Variants in BRWD1 observed in about 807,000 individuals in gnomAD.
BRWD1 encodes bromodomain and WD repeat-containing protein 1.
Under a neutral mutation model 251.2 loss-of-function variants are expected in BRWD1, and 82 were observed. The ratio of observed to expected loss-of-function variants is 0.33; its 90% CI spans 0.27 to 0.39. BRWD1 has a LOEUF of 0.39. BRWD1 is among the 10% of genes least tolerant of loss of function. The pLI is 1.00. For missense variants in BRWD1, 2,233 were observed against 2,711.6 expected, an observed-to-expected ratio of 0.82 and a Z score of 3.92; for synonymous variants, 918 against 902.8, an observed-to-expected ratio of 1.02 and a Z score of -0.30.
chr21:39,190,779 G>A lies in BRWD1; in HGVS notation c.*5480C>T. Reference sequence around the variant, plus strand: ...TTTAAACAGTTCCGTTTTCTAGGGGGAGCTGGTAACACTGCAGTATGGCAG... The same window carrying A: ...TTTAAACAGTTCCGTTTTCTAGGGGAAGCTGGTAACACTGCAGTATGGCAG... On this transcript the variant is annotated 3_prime_UTR_variant, in exon 41 of 41. Coordinates refer to ENST00000342449, the MANE Select transcript of BRWD1 (RefSeq NM_033656.4). 1 of 985,278 alleles carries A rather than the reference G, an allele frequency of 1.0e-6. No individual in the cohort carries two copies. Among genetic ancestry groups the A allele is most frequent in the Non-Finnish European group, 1.2e-6 (1 of 829,904 alleles). 61.0% of individuals were successfully genotyped at this position (985,278 alleles called of 1,614,324 possible).
At chr21:39,290,542 T>C (rs1308215943) in intron 8 of BRWD1, among the ~76,000 whole-genome samples, 1 of 151,630 alleles carries the variant, frequency 6.6e-6, no homozygotes, top group Non-Finnish European at 1.5e-5. Flanking sequence ...TTCAGATATA[T>C]TCAGTAGGTG....
At chr21:39,200,713 C>T (rs1247202538) in intron 38 of BRWD1, among the ~76,000 whole-genome samples, 1 of 152,148 alleles carries the variant, frequency 6.6e-6, no homozygotes, top group East Asian at 1.9e-4. Flanking sequence ...AGGCCGGGCA[C>T]GGTGACTCAC....
chr21:39,270,154 A>G, intron 14 of BRWD1, 121 bp from the exon 15 acceptor site: 1 of 1,191,854 alleles, frequency 8.4e-7, no homozygotes, highest in Non-Finnish European at 1.1e-6. Flanking sequence ...TTATAATTAT[A>G]AAAATTTCTA....
chr21:39,286,297 C>A (rs570831291), intron 8 of BRWD1, among the ~76,000 whole-genome samples: 2 of 151,892 alleles, frequency 1.3e-5, no homozygotes, highest in East Asian at 1.9e-4. Flanking sequence ...GGATTACAGG[C>A]GTAAGCCACC....
intron 5 of BRWD1, chr21:39,298,220 ATATCTT>A (rs1281337941): frequency 2.2e-5 from 26 of 1,204,538 alleles, no homozygotes; most frequent in Non-Finnish European, 2.6e-5. Flanking sequence ...CTTAACATCT[ATATCTT>A]TATCAACTTT....
chr21:39,192,529 G>A lies in BRWD1; in HGVS notation c.*3730C>T. On this transcript the variant is annotated 3_prime_UTR_variant, in exon 41 of 41. Coordinates refer to ENST00000342449, the MANE Select transcript of BRWD1 (RefSeq NM_033656.4). The stretch of plus-strand genomic sequence containing the variant: ...CAGGTGAAAAGTTCTACAATGACTT[G>A]TTGCACTCTATCACATTAAAATAAT... 1.0e-6 allele frequency: 1 copy of A among 984,082 alleles called. No homozygotes were observed. The highest frequency in any genetic ancestry group is 1.2e-6 in the Non-Finnish European group (1 of 828,816). The allele number at this position is 984,082 out of a possible 1,614,324, so 61.0% of individuals were successfully genotyped here. A position where few individuals can be genotyped will look rare whatever the true frequency, so the allele number is the denominator to read the frequency against.
rs771594849 is a variant in BRWD1, at chr21:39,277,238, C to T, written c.1104+13G>A. On this transcript the variant is annotated intron_variant, in intron 11 of 40. Coordinates refer to ENST00000342449, the MANE Select transcript of BRWD1 (RefSeq NM_033656.4). ...ACAATTAATCTAAAGGATTTTAAAA[C>T]GTGGATGCTTACAGTGTGGCTTTCA... 6.3e-6 allele frequency: 10 copies of T among 1,574,966 alleles called. No individual in the cohort carries two copies. The highest frequency in any genetic ancestry group is 3.4e-5 in the South Asian group (3 of 88,140).
chr21:39,188,998 A>C lies in BRWD1; in HGVS notation c.*7261T>G, dbSNP rs1377439638. The stretch of plus-strand genomic sequence containing the variant: ...TGGGAAGAGAAGTGGCTTAAAGTGC[A>C]CTGTGTTTACCACTTCAAAGACACT... On this transcript the variant is annotated 3_prime_UTR_variant, in exon 41 of 41. Coordinates refer to ENST00000342449, the MANE Select transcript of BRWD1 (RefSeq NM_033656.4). 12 of 985,258 alleles carry C rather than the reference A, an allele frequency of 1.2e-5. No homozygotes were observed. The highest frequency in any genetic ancestry group is 5.2e-4 in the Middle Eastern group (1 of 1,936). 61.0% of individuals were successfully genotyped at this position (985,258 alleles called of 1,614,324 possible).
At position 39,228,592 on chromosome 21, in the gene BRWD1, A is replaced by G; in HGVS notation, c.3126-10T>C. The G allele has an allele frequency of 6.4e-7, 1 of 1,568,088 alleles. No individual in the cohort carries two copies. The highest frequency in any genetic ancestry group is 8.8e-7 in the Non-Finnish European group (1 of 1,139,188). ...TGGCATATCATGATATCTAGACAAA[A>G]ATTTAAAAAATTGTTAAACTCTCTA... On this transcript the variant is annotated splice_polypyrimidine_tract_variant and intron_variant, in intron 26 of 40. Transcript: ENST00000342449.
intron 32 of BRWD1, 90 bp from the exon 33 acceptor site, chr21:39,213,643 C>A: frequency 1.2e-6 from 1 of 814,052 alleles, no homozygotes; most frequent in Non-Finnish European, 2.0e-6. Flanking sequence ...AAACAGTTCA[C>A]CAACCTATAC....
chr21:39,247,298 T>C (rs534857576), intron 21 of BRWD1, among the ~76,000 whole-genome samples: 1 of 152,202 alleles, frequency 6.6e-6, no homozygotes, highest in Non-Finnish European at 1.5e-5. Context: ...ATACCCCTTA[T>C]CCAGAACGCT....
chr21:39,194,030 T>G lies in BRWD1; in HGVS notation c.*2229A>C. 1.0e-6 allele frequency: 1 copy of G among 985,566 alleles called. No individual in the cohort carries two copies. 61.1% of individuals were successfully genotyped at this position (985,566 alleles called of 1,614,324 possible). ...GCTTTTAAAGACATCAGGTCCATTC[T>G]TGCTGCTTCTGATGAAACCAAATCT... On this transcript the variant is annotated 3_prime_UTR_variant, in exon 41 of 41. Coordinates refer to ENST00000342449, the MANE Select transcript of BRWD1 (RefSeq NM_033656.4).
chr21:39,255,194 T>C (rs1051310862), intron 19 of BRWD1, among the ~76,000 whole-genome samples: 1 of 152,092 alleles, frequency 6.6e-6, no homozygotes, highest in African/African-American at 2.4e-5. Context: ...GTGGAGCGCC[T>C]GAGGTCAGGA....
intron 34 of BRWD1, 144 bp downstream of exon 34, chr21:39,212,522 T>C: frequency 3.1e-6 from 2 of 646,042 alleles, no homozygotes; most frequent in South Asian, 2.0e-5. Flanking sequence ...CCACTAAATC[T>C]TTCCAGTAAT....
At chr21:39,255,862 C>T (rs1180025331) in intron 18 of BRWD1, 34 bp from the exon 19 acceptor site, 2 of 1,575,586 alleles carry the variant, frequency 1.3e-6, no homozygotes, top group Middle Eastern at 3.3e-4. Context: ...GATTCCAATA[C>T]ACTTTTAAAC....
chr21:39,281,499 A>G (rs2035455517), intron 8 of BRWD1, among the ~76,000 whole-genome samples: 1 of 152,172 alleles, frequency 6.6e-6, no homozygotes, highest in African/African-American at 2.4e-5. Context: ...GTTCAAGACC[A>G]GCCTAGGTGA....
chr21:39,270,768 C>G (rs758208719), intron 13 of BRWD1, among the ~76,000 whole-genome samples: 4 of 152,220 alleles, frequency 2.6e-5, no homozygotes, highest in Non-Finnish European at 4.4e-5. Flanking sequence ...CACTTACTTT[C>G]AACTGTTTCT....
At chr21:39,233,981 C>T (rs2033719245) in intron 23 of BRWD1, among the ~76,000 whole-genome samples, 1 of 152,174 alleles carries the variant, frequency 6.6e-6, no homozygotes, top group Admixed American at 6.5e-5. Context: ...GATTGCCCCA[C>T]TGCGCTCCAG....
chr21:39,310,991 A>C (rs189708064), intron 4 of BRWD1, among the ~76,000 whole-genome samples: 16 of 152,148 alleles, frequency 1.1e-4, no homozygotes, highest in African/African-American at 3.9e-4. Flanking sequence ...GAGGGCAGAG[A>C]GGAAGGTAAA....
Sources: gnomAD v4.1 joint callset for allele counts (sites outside exome capture counted in the v4.1 genomes callset) on GRCh38, gnomAD v4.1.1 for gene constraint, MANE v1.5 for transcripts, NCBI Gene and HGNC (gene_info 2026-07-23, HGNC 2026-07-21) for gene names.